Variants in GLIS3 observed in about 807,000 individuals in gnomAD.
GLIS3 encodes the protein GLIS family zinc finger 3, also known as zinc finger protein GLIS3.
In GLIS3, 53 loss-of-function variants were observed where a neutral mutation model predicts 78.6. The ratio of observed to expected loss-of-function variants is 0.67; its 90% CI spans 0.54 to 0.85. The LOEUF (loss-of-function observed/expected upper bound fraction) is 0.85. Ranked by LOEUF, GLIS3 falls within the 40% of genes least tolerant of loss-of-function variation. The probability of loss-of-function intolerance (pLI) is 0.00; values close to 1 mark genes in which losing one functional copy is unlikely to be tolerated. For missense variants in GLIS3, 1,703 were observed against 1,231.1 expected, an observed-to-expected ratio of 1.38 and a Z score of -5.74; for synonymous variants, 684 against 509.9, an observed-to-expected ratio of 1.34 and a Z score of -4.60.
At chr9:4,061,237 C>G (rs1246681032) in intron 4 of GLIS3, among the ~76,000 whole-genome samples, 2 of 138,428 alleles carry the variant, frequency 1.4e-5, no homozygotes, top group Admixed American at 7.7e-5. Flanking sequence ...CATGACAGGC[C>G]CCGGTGTGTG....
At chr9:3,829,888 C>T (rs918787791) in intron 9 of GLIS3, among the ~76,000 whole-genome samples, 3 of 152,206 alleles carry the variant, frequency 2.0e-5, no homozygotes, top group Non-Finnish European at 2.9e-5. Context: ...CTTCTGTTTT[C>T]ACACTGGTTA....
intron 2 of GLIS3, among the ~76,000 whole-genome samples, chr9:4,180,953 T>C (rs1817267620): frequency 1.3e-5 from 2 of 152,182 alleles, no homozygotes; most frequent in African/African-American, 4.8e-5. Context: ...GCATCCTGAA[T>C]GTGACTCTAT....
At chr9:4,325,952 C>A (rs999683636) in intron 2 of GLIS3, among the ~76,000 whole-genome samples, 5 of 152,134 alleles carry the variant, frequency 3.3e-5, no homozygotes, top group African/African-American at 1.2e-4. Context: ...AACACAAGAA[C>A]AGAGAAACAA....
intron 9 of GLIS3, among the ~76,000 whole-genome samples, chr9:3,852,770 T>C (rs1173028633): frequency 1.3e-5 from 2 of 152,226 alleles, no homozygotes; most frequent in Non-Finnish European, 2.9e-5. Flanking sequence ...GCACGCCCTT[T>C]GCAACCTCAT....
At chr9:4,211,542 C>G (rs1820375112) in intron 2 of GLIS3, among the ~76,000 whole-genome samples, 1 of 152,348 alleles carries the variant, frequency 6.6e-6, no homozygotes, top group African/African-American at 2.4e-5. Flanking sequence ...AAAGTTAGCC[C>G]TGAAGGCTAA....
the GLIS3 span, among the ~76,000 whole-genome samples, chr9:4,409,586 C>G: frequency 1.3e-5 from 2 of 152,038 alleles, no homozygotes; most frequent in Non-Finnish European, 2.9e-5. Flanking sequence ...GAATGATTGT[C>G]ACAGGGTGAT....
At chr9:4,415,809 T>TTTC in the GLIS3 span, among the ~76,000 whole-genome samples, 4 of 151,986 alleles carry the variant, frequency 2.6e-5, no homozygotes, top group Non-Finnish European at 5.9e-5. Flanking sequence ...TTCTTTTTTT[T>TTTC]ATTAATTAGG....
chr9:4,397,006 A>ATCCTTTTT, the GLIS3 span, among the ~76,000 whole-genome samples: 8 of 140,134 alleles, frequency 5.7e-5, no homozygotes, highest in Non-Finnish European at 9.2e-5. Flanking sequence ...GGTTTTGTCA[A>ATCCTTTTT]TCCTTTTTTC....
intron 4 of GLIS3, among the ~76,000 whole-genome samples, chr9:4,077,697 G>T (rs764569765): frequency 6.6e-6 from 1 of 152,224 alleles, no homozygotes; most frequent in East Asian, 1.9e-4. Context: ...GGGGGCGCGG[G>T]GGGGTAAGTG....
chr9:4,485,040 G>A, the GLIS3 span, among the ~76,000 whole-genome samples: 2 of 151,438 alleles, frequency 1.3e-5, no homozygotes, highest in Non-Finnish European at 2.9e-5. Context: ...GGGGGACAGG[G>A]TTTCACTCCC....
intron 6 of GLIS3, among the ~76,000 whole-genome samples, chr9:3,923,668 G>C (rs1825044110): frequency 6.6e-6 from 1 of 152,044 alleles, no homozygotes; most frequent in Non-Finnish European, 1.5e-5. Flanking sequence ...TATCATAAAA[G>C]TCAGAAAGTT....
rs73394552 is a variant in GLIS3 at position 4,139,240 on chromosome 9, T to C, written c.389-13299A>G. ...ACAAAAGCAGAGGCTGGGTGAGAAA[T>C]GGCAAAGCTGCCTCTGGGTGAGACC... On this transcript the variant is annotated intron_variant, in intron 2 of 10. Transcript: ENST00000381971. Among the ~76,000 whole-genome samples, 1,045 of 152,254 alleles carry C rather than the reference T, an allele frequency of 6.9e-3. 15 individuals are homozygous for C. Among genetic ancestry groups the C allele is most frequent in the African/African-American group, 0.024 (1,017 of 41,540 alleles).
intron 2 of GLIS3, among the ~76,000 whole-genome samples, chr9:4,326,909 C>G (rs765536242): frequency 6.6e-6 from 1 of 152,144 alleles, no homozygotes; most frequent in Non-Finnish European, 1.5e-5. Flanking sequence ...CAAGGTTTTT[C>G]CTTCTCACCA....
intron 2 of GLIS3, among the ~76,000 whole-genome samples, chr9:4,169,969 A>G (rs1816230418): frequency 6.6e-6 from 1 of 152,208 alleles, no homozygotes; most frequent in Non-Finnish European, 1.5e-5. Context: ...TCCTCACATC[A>G]AAATGAAAAA....
the GLIS3 span, among the ~76,000 whole-genome samples, chr9:4,381,328 T>A: frequency 2.0e-5 from 3 of 152,214 alleles, no homozygotes; most frequent in African/African-American, 7.2e-5. Flanking sequence ...GCTTGCAGTA[T>A]TTTCATGATT....
At chr9:3,861,219 C>T (rs1419092211) in intron 8 of GLIS3, among the ~76,000 whole-genome samples, 1 of 152,096 alleles carries the variant, frequency 6.6e-6, no homozygotes, top group Non-Finnish European at 1.5e-5. Flanking sequence ...CTATAGAGTT[C>T]TTAGAAAATC....
chr9:4,256,777 A>C (rs1824983423), intron 2 of GLIS3, among the ~76,000 whole-genome samples: 1 of 142,806 alleles, frequency 7.0e-6, no homozygotes, highest in Non-Finnish European at 1.5e-5. Context: ...ACACATTCAC[A>C]AAAGAGTACG....
At chr9:3,875,336 G>GCATTTATTTTATTTTATGATGGTAAGGAT (rs1821243229) in intron 8 of GLIS3, among the ~76,000 whole-genome samples, 1 of 152,168 alleles carries the variant, frequency 6.6e-6, no homozygotes, top group African/African-American at 2.4e-5. Flanking sequence ...GAGAGAACTT[G>GCATTTATTTTATTTTATGATGGTAAGGAT]CATTTATTTT....
chr9:4,098,712 T>C (rs951996761), intron 4 of GLIS3, among the ~76,000 whole-genome samples: 2 of 152,228 alleles, frequency 1.3e-5, no homozygotes, highest in East Asian at 3.8e-4. Context: ...TTACTTTCTG[T>C]TTATCGTAAA....
Sources: allele counts gnomAD v4.1 joint callset (sites outside exome capture counted in the v4.1 genomes callset), GRCh38; gene constraint gnomAD v4.1.1; transcripts MANE v1.5; gene names NCBI Gene and HGNC (gene_info 2026-07-23, HGNC 2026-07-21).